The following SIPA1L1 variants were observed in gnomAD, a reference collection of about 807,000 sequenced individuals.
SIPA1L1 encodes signal-induced proliferation-associated 1-like protein 1.
In SIPA1L1, 26 loss-of-function variants were observed where a neutral mutation model predicts 162.7. The ratio of observed to expected loss-of-function variants is 0.16; its 90% CI spans 0.12 to 0.22. The LOEUF (loss-of-function observed/expected upper bound fraction) is 0.22. SIPA1L1 is among the 10% of genes least tolerant of loss of function. The pLI is 1.00. For synonymous variants in SIPA1L1, 829 were observed against 837.4 expected, an observed-to-expected ratio of 0.99 and a Z score of 0.17; for missense variants, 1,874 against 2,241.0, an observed-to-expected ratio of 0.84 and a Z score of 3.31.
chr14:71,376,772 C>G (rs143292769), intron 2 of SIPA1L1, among the ~76,000 whole-genome samples: 1 of 152,076 alleles, frequency 6.6e-6, no homozygotes, highest in Non-Finnish European at 1.5e-5. Context: ...TGACTCTTAA[C>G]GAGCATGCTG....
At chr14:71,405,404 C>T (rs1001468214) in intron 2 of SIPA1L1, among the ~76,000 whole-genome samples, 3 of 152,144 alleles carry the variant, frequency 2.0e-5, no homozygotes, top group Non-Finnish European at 2.9e-5. Context: ...TCATGTAGGT[C>T]CTTATAGACC....
At chr14:71,480,716 T>G (rs976562364) in intron 2 of SIPA1L1, among the ~76,000 whole-genome samples, 1 of 152,048 alleles carries the variant, frequency 6.6e-6, no homozygotes, top group Non-Finnish European at 1.5e-5. Flanking sequence ...GAGCCAAGAT[T>G]GCACCACTGT....
chr14:71,707,776 G>A lies in SIPA1L1; in HGVS notation c.3766-1446G>A, dbSNP rs538998921. On this transcript the variant is annotated intron_variant, in intron 16 of 23. Coordinates refer to ENST00000381232, the MANE Select transcript of SIPA1L1 (RefSeq NM_001386936.1). ...GAATAATTTGGCTGTAAACATCCAC[G>A]TACAATGAAACATGCCTTTTTATTT... Among the ~76,000 whole-genome samples the A allele has an allele frequency of 1.2e-4, 18 of 151,434 alleles. No homozygotes were observed. In the South Asian group the frequency reaches 3.3e-3, roughly 28 times the overall value.
chr14:71,413,430 T>C (rs1265378950), intron 2 of SIPA1L1, among the ~76,000 whole-genome samples: 1 of 152,200 alleles, frequency 6.6e-6, no homozygotes, highest in Non-Finnish European at 1.5e-5. Flanking sequence ...GTTGGTTGGC[T>C]TAAATTTAAA....
intron 4 of SIPA1L1, among the ~76,000 whole-genome samples, chr14:71,558,173 G>A (rs536687501): frequency 1.3e-5 from 2 of 152,268 alleles, no homozygotes; most frequent in South Asian, 2.1e-4. Flanking sequence ...TTTTCAGCAT[G>A]TAGAATGATG....
At chr14:71,701,194 T>G (rs1007651761) in intron 14 of SIPA1L1, among the ~76,000 whole-genome samples, 3 of 152,044 alleles carry the variant, frequency 2.0e-5, no homozygotes, top group Non-Finnish European at 4.4e-5. Context: ...GGTTGGAACT[T>G]GGCCCCAGGT....
Position 71,429,694 on chromosome 14 carries a change from C to T in SIPA1L1, c.-464-83049C>T, listed in dbSNP as rs74926897. On this transcript the variant is annotated intron_variant, in intron 2 of 23. Coordinates refer to ENST00000381232, the MANE Select transcript of SIPA1L1 (RefSeq NM_001386936.1). ...CGAATTGCTTTATCTAAGTGGCTTC[C>T]ATCAGCAGAGGATAGGTTCTTTAGT... Among the ~76,000 whole-genome samples the T allele has an allele frequency of 1.5e-4, 23 of 152,272 alleles. No homozygotes were observed. The East Asian group carries it at 3.9e-3, about 26-fold the overall frequency.
chr14:71,383,382 G>A (rs952594587), intron 2 of SIPA1L1, among the ~76,000 whole-genome samples: 7 of 152,176 alleles, frequency 4.6e-5, no homozygotes, highest in Non-Finnish European at 1.0e-4. Flanking sequence ...ATGCCCAGAT[G>A]AATAATTTAA....
At chr14:71,506,543 G>T (rs113941364) in intron 2 of SIPA1L1, among the ~76,000 whole-genome samples, 1 of 152,032 alleles carries the variant, frequency 6.6e-6, no homozygotes, top group South Asian at 2.1e-4. Flanking sequence ...GTTTTACCAT[G>T]TTGGCCAGAC....
At chr14:71,519,955 T>C (rs1226872309) in intron 3 of SIPA1L1, among the ~76,000 whole-genome samples, 1 of 151,740 alleles carries the variant, frequency 6.6e-6, no homozygotes, top group African/African-American at 2.4e-5. Context: ...AATGAATAAA[T>C]GATTAGCTGG....
At chr14:71,327,336 G>A (rs1488343200) in intron 2 of SIPA1L1, among the ~76,000 whole-genome samples, 2 of 152,058 alleles carry the variant, frequency 1.3e-5, no homozygotes, top group Non-Finnish European at 2.9e-5. Flanking sequence ...CGCCCGCCTC[G>A]GCCTCCCAGT....
chr14:71,722,801 T>C (rs1275234611), intron 17 of SIPA1L1, among the ~76,000 whole-genome samples: 2 of 152,226 alleles, frequency 1.3e-5, no homozygotes, highest in Non-Finnish European at 2.9e-5. Flanking sequence ...AGTGGCGTGA[T>C]CTTGGCTCAC....
At chr14:71,578,754 A>G (rs2033485556) in intron 4 of SIPA1L1, among the ~76,000 whole-genome samples, 1 of 152,250 alleles carries the variant, frequency 6.6e-6, no homozygotes, top group Non-Finnish European at 1.5e-5. Flanking sequence ...TGCAGACTTC[A>G]GTCCATGGTA....
intron 2 of SIPA1L1, among the ~76,000 whole-genome samples, chr14:71,458,382 A>G (rs572555097): frequency 2.6e-5 from 4 of 152,218 alleles, no homozygotes; most frequent in Admixed American, 6.5e-5. Context: ...AAGATTATAC[A>G]TTAGGTCATA....
chr14:71,671,725 T>C (rs908447058), intron 11 of SIPA1L1, 33 bp downstream of exon 11: 1 of 1,500,502 alleles, frequency 6.7e-7, no homozygotes, highest in Non-Finnish European at 9.0e-7. Flanking sequence ...TTACATGCAG[T>C]TTCTCTTTCA....
At chr14:71,589,895 C>T (rs942993695) in intron 5 of SIPA1L1, among the ~76,000 whole-genome samples, 19 of 151,366 alleles carry the variant, frequency 1.3e-4, no homozygotes, top group African/African-American at 4.6e-4. Flanking sequence ...TGACAAAAGT[C>T]ACAGAGCCAA....
chr14:71,518,425 A>T (rs2051963319), intron 3 of SIPA1L1, among the ~76,000 whole-genome samples: 1 of 152,216 alleles, frequency 6.6e-6, no homozygotes, highest in African/African-American at 2.4e-5. Flanking sequence ...TTATTAAATA[A>T]TTCAACCTTT....
intron 20 of SIPA1L1, among the ~76,000 whole-genome samples, chr14:71,732,878 A>G (rs1358059673): frequency 6.6e-6 from 1 of 152,204 alleles, no homozygotes; most frequent in East Asian, 1.9e-4. Flanking sequence ...GAGGGCAGGC[A>G]TGGGCCTTCT....
rs58582108 is a variant in SIPA1L1 at position 71,545,577 on chromosome 14, TTGTGTGTG to T, written c.-303+16225_-303+16232del. ...CCTAAATTCAGTTGCTAGTTCTAAT[TTGTGTGTG>T]TGTGTGTGTGTGTGTGTAGTTGTCA... On this transcript the variant is annotated intron_variant, in intron 4 of 23. Transcript: ENST00000381232. 4.7e-5 allele frequency among the ~76,000 whole-genome samples: 7 copies of T among 148,728 alleles called. No individual in the cohort carries two copies. In the South Asian group the frequency reaches 6.4e-4, roughly 14 times the overall value.
Sources: gnomAD v4.1 joint callset for allele counts (sites outside exome capture counted in the v4.1 genomes callset) on GRCh38, gnomAD v4.1.1 for gene constraint, MANE v1.5 for transcripts, NCBI Gene and HGNC (gene_info 2026-07-23, HGNC 2026-07-21) for gene names.